Variants in ABR observed in about 807,000 individuals in gnomAD.
ABR encodes the protein active breakpoint cluster region-related protein.
In ABR, 35 loss-of-function variants were observed where a neutral mutation model predicts 107.2. The ratio of observed to expected loss-of-function variants is 0.33; its 90% CI spans 0.25 to 0.43. The LOEUF is 0.43. Ranked by LOEUF, ABR falls within the 20% of genes least tolerant of loss-of-function variation. The pLI is 1.00. For missense variants in ABR, 815 were observed against 1,115.2 expected, an observed-to-expected ratio of 0.73 and a Z score of 3.83; for synonymous variants, 498 against 462.0, an observed-to-expected ratio of 1.08 and a Z score of -1.00.
intron 2 of ABR, among the ~76,000 whole-genome samples, chr17:1,120,970 G>A (rs1292982533): frequency 6.6e-6 from 1 of 152,196 alleles, no homozygotes; most frequent in Non-Finnish European, 1.5e-5. Context: ...CCATGGTCCT[G>A]CCTTAGGAAC....
intron 4 of ABR, among the ~76,000 whole-genome samples, chr17:1,091,316 C>CGGAGCACCCTCCGGGAGGGAGAA (rs566395023): frequency 5.3e-5 from 8 of 151,848 alleles, no homozygotes; most frequent in Non-Finnish European, 1.0e-4. Context: ...CCGGGAAAGA[C>CGGAGCACCCTCCGGGAGGGAGAA]GGAGCACCCT....
chr17:1,221,901 G>A lies in ABR; in HGVS notation c.838+6892C>T, dbSNP rs570885621. Among the ~76,000 whole-genome samples the A allele has an allele frequency of 1.3e-4, 20 of 152,254 alleles. No homozygotes were observed. The South Asian group carries it at 3.1e-3, about 24-fold the overall frequency. Reference sequence around the variant, plus strand: ...ACCTCTGGAGTAGGGACAGCGGTAAGTAAAAAAGGAGAGAAAGGCAAACAA... The same window carrying A: ...ACCTCTGGAGTAGGGACAGCGGTAAATAAAAAAGGAGAGAAAGGCAAACAA... On this transcript the variant is annotated intron_variant, in intron 1 of 22. Coordinates refer to the ABR transcript ENST00000574139.
rs1555549122 is a variant in ABR, at chr17:1,051,265, T to TC, written c.1562-632dup. Among the ~76,000 whole-genome samples, 1 of 152,044 alleles carries TC rather than the reference T, an allele frequency of 6.6e-6. No individual in the cohort carries two copies. The highest frequency in any genetic ancestry group is 1.5e-5 in the Non-Finnish European group (1 of 68,016). Reference sequence around the variant, plus strand: ...TCTACTCGTGCGTCCCTAGTCTCTCTCCCCCCACGACGTAAACACCATGTG... The same window carrying TC: ...TCTACTCGTGCGTCCCTAGTCTCTCTCCCCCCCACGACGTAAACACCATGTG... On this transcript the variant is annotated intron_variant, in intron 14 of 22. Transcript: ENST00000302538. The surrounding 1 kb of genome is among the most constrained non-coding windows in gnomAD (Gnocchi z 4.3).
Position 1,210,024 on chromosome 17 carries a change from C to G in ABR, c.838+18769G>C, listed in dbSNP as rs767819278. Among the ~76,000 whole-genome samples the G allele has an allele frequency of 3.4e-4, 51 of 152,154 alleles. No homozygotes were observed. The highest frequency in any genetic ancestry group is 5.4e-4 in the Non-Finnish European group (37 of 67,992). On this transcript the variant is annotated intron_variant, in intron 1 of 22. Coordinates refer to the ABR transcript ENST00000574139. The surrounding 1 kb of genome is among the most constrained non-coding windows in gnomAD (Gnocchi z 5.6). ...GCCAAAGTGCCTTCAGAACCTCCAA[C>G]AAATTAAAAAAAGAAAACACATATC... is the stretch of plus-strand genomic sequence containing the variant.
At chr17:1,180,477 G>A (rs1361749509), upstream of ABR, among the ~76,000 whole-genome samples, 5 of 152,122 alleles carry the variant, frequency 3.3e-5, no homozygotes, top group Non-Finnish European at 7.4e-5. Flanking sequence ...TGACCTCTGA[G>A]CGCGGCCGTT....
chr17:1,080,126 C>T (rs1030284154), intron 5 of ABR, among the ~76,000 whole-genome samples: 4 of 152,262 alleles, frequency 2.6e-5, no homozygotes, highest in East Asian at 1.9e-4. Context: ...GGGTCCCACA[C>T]GCCAGCAGGG....
intron 1 of ABR, among the ~76,000 whole-genome samples, chr17:1,130,762 A>G (rs940702526): frequency 6.6e-6 from 1 of 152,200 alleles, no homozygotes; most frequent in Admixed American, 6.5e-5. Context: ...TCCCTATGGA[A>G]AGAGAAAGGG....
At chr17:1,088,739 T>A (rs1006505169) in intron 4 of ABR, among the ~76,000 whole-genome samples, 1 of 150,172 alleles carries the variant, frequency 6.7e-6, no homozygotes, top group Non-Finnish European at 1.5e-5. Context: ...CAGGTGCGTG[T>A]TATCATGCCC....
intron 16 of ABR, among the ~76,000 whole-genome samples, chr17:1,029,867 G>A (rs976161747): frequency 1.1e-4 from 17 of 150,480 alleles, no homozygotes; most frequent in Admixed American, 2.0e-4. Flanking sequence ...CCACCACAGC[G>A]CTGACCCCTG....
chr17:1,111,938 CT>C (rs2038697122), intron 2 of ABR, among the ~76,000 whole-genome samples: 1 of 152,268 alleles, frequency 6.6e-6, no homozygotes, highest in Admixed American at 6.5e-5. Context: ...ACCCTTCCTC[CT>C]TCTGAAACAG....
chr17:1,038,556 C>T (rs776116091), intron 16 of ABR, among the ~76,000 whole-genome samples: 9 of 152,326 alleles, frequency 5.9e-5, no homozygotes, highest in East Asian at 3.9e-4. Context: ...CACTTGCCTC[C>T]GAGGGCGTGA....
chr17:1,186,221 A>G (rs1421062137), intron 1 of ABR, among the ~76,000 whole-genome samples: 1 of 152,190 alleles, frequency 6.6e-6, no homozygotes, highest in African/African-American at 2.4e-5. Context: ...TGTCACCTGT[A>G]AGGGTGAAGT....
chr17:1,067,266 A>G lies in ABR; in HGVS notation c.1017-24T>C, dbSNP rs1297628671. Reference sequence around the variant, plus strand: ...TCCTGCAAACGAGCCAGAGGGAGCCATGAGCCAGAGGGAGCCTGGCTCTTC... The same window carrying G: ...TCCTGCAAACGAGCCAGAGGGAGCCGTGAGCCAGAGGGAGCCTGGCTCTTC... On this transcript the variant is annotated intron_variant, in intron 9 of 22. Transcript: ENST00000302538. 5 of 1,554,984 alleles carry G rather than the reference A, an allele frequency of 3.2e-6. No homozygotes were observed. In the South Asian group the frequency reaches 6.2e-5, roughly 19 times the overall value.
intron 4 of ABR, among the ~76,000 whole-genome samples, chr17:1,087,644 C>CG (rs968522642): frequency 6.6e-6 from 1 of 152,060 alleles, no homozygotes; most frequent in African/African-American, 2.4e-5. Context: ...TACTGAGGCC[C>CG]GGCCCATCAA....
rs954581068 is a variant in ABR at position 1,010,589 on chromosome 17, C to G, written c.2236+140G>C. Reference sequence around the variant, plus strand: ...CAGGCCACACCTCACCCTCGGACCCCTCAGCCACAGGCCCCAGTGCACTGG... The same window carrying G: ...CAGGCCACACCTCACCCTCGGACCCGTCAGCCACAGGCCCCAGTGCACTGG... On this transcript the variant is annotated intron_variant, in intron 20 of 22. Coordinates refer to ENST00000302538, the MANE Select transcript of ABR (RefSeq NM_021962.5). This position sits in a 1 kb window ranked among gnomAD's most constrained non-coding sequence, Gnocchi z 4.1. 1.1e-5 allele frequency: 13 copies of G among 1,226,480 alleles called. No homozygotes were observed. In the African/African-American group the frequency reaches 1.2e-4, roughly 11 times the overall value. 76.0% of individuals were successfully genotyped at this position (1,226,480 alleles called of 1,614,324 possible). A position where few individuals can be genotyped will look rare whatever the true frequency, so the allele number is the denominator to read the frequency against.
chr17:1,185,860 G>A (rs1292929722), intron 1 of ABR, among the ~76,000 whole-genome samples: 1 of 151,556 alleles, frequency 6.6e-6, no homozygotes, highest in Admixed American at 6.6e-5. Context: ...TTTTGAGATG[G>A]AGTTTCACTC....
At chr17:1,116,627 G>C (rs1221148420) in intron 2 of ABR, among the ~76,000 whole-genome samples, 5 of 152,124 alleles carry the variant, frequency 3.3e-5, no homozygotes, top group Non-Finnish European at 7.4e-5. Context: ...AGCGATGACG[G>C]GACCCAGGGT....
At chr17:1,012,625 G>C in intron 18 of ABR, 63 bp downstream of exon 18, 1 of 1,265,108 alleles carries the variant, frequency 7.9e-7, no homozygotes, top group Non-Finnish European at 1.1e-6. Flanking sequence ...GGGCTGGGGG[G>C]CCCGGGCTGG....
At chr17:1,093,482 G>A (rs1044237335) in intron 3 of ABR, among the ~76,000 whole-genome samples, 7 of 151,978 alleles carry the variant, frequency 4.6e-5, no homozygotes, top group South Asian at 2.1e-4. Flanking sequence ...AAACAAAAAC[G>A]AGGCTTAGAC....
Sources: allele counts gnomAD v4.1 joint callset (sites outside exome capture counted in the v4.1 genomes callset), GRCh38; gene constraint gnomAD v4.1.1; non-coding constraint Gnocchi (gnomAD v3.1); transcripts MANE v1.5; gene names NCBI Gene and HGNC (gene_info 2026-07-23, HGNC 2026-07-21).